FSTL4: variants seen among roughly 807,000 people sequenced by gnomAD.
The protein encoded by FSTL4 is follistatin-related protein 4.
A neutral mutation model predicts 78.2 loss-of-function variants in FSTL4; 28 were observed. That is an observed-to-expected ratio of 0.36 (90% CI 0.27 to 0.49). The LOEUF is 0.49. Ranked by LOEUF, FSTL4 falls within the 20% of genes least tolerant of loss-of-function variation. FSTL4 has a pLI of 0.98. For synonymous variants in FSTL4, 422 were observed against 440.5 expected (o/e 0.96, Z 0.53); for missense variants, 922 against 1,084.9 (o/e 0.85, Z 2.11).
chr5:133,785,380 T>C, the FSTL4 span, among the ~76,000 whole-genome samples: 1 of 152,174 alleles, frequency 6.6e-6, no homozygotes. Context: ...TTTGCCGAGA[T>C]ACCTTTAGCA....
At chr5:133,540,261 A>G (rs546398109) in intron 3 of FSTL4, among the ~76,000 whole-genome samples, 8 of 151,544 alleles carry the variant, frequency 5.3e-5, no homozygotes, top group African/African-American at 1.9e-4. Context: ...ACACACACAC[A>G]CACGCACTCA....
intron 3 of FSTL4, among the ~76,000 whole-genome samples, chr5:133,428,064 T>C (rs1047645834): frequency 6.6e-6 from 1 of 152,188 alleles, no homozygotes; most frequent in African/African-American, 2.4e-5. Context: ...TGAATAACAA[T>C]ACCTCAGGTG....
the FSTL4 span, among the ~76,000 whole-genome samples, chr5:133,769,691 A>G: frequency 6.6e-6 from 1 of 152,220 alleles, no homozygotes; most frequent in African/African-American, 2.4e-5. Context: ...AAAATTACAT[A>G]AACTAATTCT....
Position 133,474,889 on chromosome 5 carries a change from C to T in FSTL4, c.161-73903G>A, listed in dbSNP as rs151209329. The stretch of plus-strand genomic sequence containing the variant: ...TTAATTGATGGCACCCACTTCCTCC[C>T]GGTGCTCCCAACACCCATGGGGGAA... On this transcript the variant is annotated intron_variant, in intron 3 of 15. Transcript: ENST00000265342. 1.3e-3 allele frequency among the ~76,000 whole-genome samples: 204 copies of T among 152,360 alleles called. 2 individuals are homozygous for T. In the East Asian group the frequency reaches 0.031, roughly 23 times the overall value.
At chr5:133,729,567 C>T in the FSTL4 span, among the ~76,000 whole-genome samples, 1 of 152,068 alleles carries the variant, frequency 6.6e-6, no homozygotes, top group Non-Finnish European at 1.5e-5. Context: ...CATCTCTTCT[C>T]AAAAGGAAAC....
At position 133,253,136 on chromosome 5, in the gene FSTL4, T is replaced by A. The variant is rs374405190; in HGVS notation, c.728-3560A>T. Reference sequence around the variant, plus strand: ...TCACAGTTCTGAAGGGATTTATGGCTACTGAGCCCTCTCCTTCCACCCTCA... The same window carrying A: ...TCACAGTTCTGAAGGGATTTATGGCAACTGAGCCCTCTCCTTCCACCCTCA... On this transcript the variant is annotated intron_variant, in intron 6 of 15. Transcript: ENST00000265342. Among the ~76,000 whole-genome samples, 4 of 152,232 alleles carry A rather than the reference T, an allele frequency of 2.6e-5. No individual in the cohort carries two copies. The East Asian group carries it at 7.7e-4, about 29-fold the overall frequency.
chr5:133,310,785 T>C (rs1581609670), intron 6 of FSTL4, among the ~76,000 whole-genome samples: 1 of 152,210 alleles, frequency 6.6e-6, no homozygotes, highest in East Asian at 1.9e-4. Context: ...TTTTTGGGAA[T>C]GTCTTGGAAC....
At chr5:133,820,844 T>C in the FSTL4 span, among the ~76,000 whole-genome samples, 1 of 152,212 alleles carries the variant, frequency 6.6e-6, no homozygotes, top group South Asian at 2.1e-4. Flanking sequence ...TGGGGACTTC[T>C]CAACTTGTTG....
intron 3 of FSTL4, among the ~76,000 whole-genome samples, chr5:133,495,029 A>C (rs1758342263): frequency 6.6e-6 from 1 of 152,210 alleles, no homozygotes; most frequent in Non-Finnish European, 1.5e-5. Context: ...TGTTGAATCA[A>C]CAAAGCGGAT....
the FSTL4 span, among the ~76,000 whole-genome samples, chr5:133,732,795 C>T: frequency 1.3e-5 from 2 of 152,226 alleles, no homozygotes; most frequent in Non-Finnish European, 2.9e-5. Context: ...GGTCCCCGGG[C>T]TCTCCATCCC....
At chr5:133,210,158 G>T in intron 14 of FSTL4, 33 bp downstream of exon 14, 1 of 1,083,218 alleles carries the variant, frequency 9.2e-7, no homozygotes, top group Non-Finnish European at 1.4e-6. Flanking sequence ...TCTCAGTGGA[G>T]TGTGGGTATC....
At chr5:133,222,644 C>T (rs1469859172) in intron 11 of FSTL4, among the ~76,000 whole-genome samples, 5 of 152,196 alleles carry the variant, frequency 3.3e-5, no homozygotes, top group Non-Finnish European at 7.3e-5. Context: ...AGTACCTTGG[C>T]CTTGCTCACA....
the FSTL4 span, among the ~76,000 whole-genome samples, chr5:133,723,759 A>T: frequency 6.6e-6 from 1 of 152,054 alleles, no homozygotes; most frequent in South Asian, 2.1e-4. Flanking sequence ...TCCCTGGGGG[A>T]TAGGTCATCA....
At chr5:133,392,549 G>A (rs1755875602) in intron 4 of FSTL4, among the ~76,000 whole-genome samples, 1 of 152,178 alleles carries the variant, frequency 6.6e-6, no homozygotes, top group African/African-American at 2.4e-5. Context: ...AACAGGACAG[G>A]AGCTAGGTGC....
Position 133,494,785 on chromosome 5 carries a change from T to C in FSTL4, c.160+72401A>G, listed in dbSNP as rs376292544. Among the ~76,000 whole-genome samples, 461 of 152,354 alleles carry C rather than the reference T, an allele frequency of 3.0e-3. 3 individuals are homozygous for C. The highest frequency in any genetic ancestry group is 0.011 in the African/African-American group (447 of 41,576). ...AAGAGGGCCTGTGGCCCGGGTGTGCTGAGGAAACCCCGCTCCTGAGACTCT... is the reference window on the plus strand; with the variant it reads ...AAGAGGGCCTGTGGCCCGGGTGTGCCGAGGAAACCCCGCTCCTGAGACTCT... On this transcript the variant is annotated intron_variant, in intron 3 of 15. Transcript: ENST00000265342.
chr5:133,254,981 T>C (rs1025814283), intron 6 of FSTL4, among the ~76,000 whole-genome samples: 2 of 152,210 alleles, frequency 1.3e-5, no homozygotes, highest in Admixed American at 6.5e-5. Context: ...GAGAGGAAGA[T>C]GAAGATGCCA....
chr5:133,225,389 C>T lies in FSTL4; in HGVS notation c.1178-105G>A. The T allele has an allele frequency of 7.2e-7, 1 of 1,390,618 alleles. No homozygotes were observed. Among genetic ancestry groups the T allele is most frequent in the African/African-American group, 1.4e-5 (1 of 69,790 alleles). The allele number at this position is 1,390,618 out of a possible 1,614,324, so 86.1% of individuals were successfully genotyped here. On this transcript the variant is annotated intron_variant, in intron 9 of 15. Coordinates refer to ENST00000265342, the MANE Select transcript of FSTL4 (RefSeq NM_015082.2). The surrounding 1 kb of genome is among the most constrained non-coding windows in gnomAD (Gnocchi z 4.6). ...TAGGGCTGCCCAGCCCCTGGGCAGC[C>T]AGCAGCCCTGATTATACGCCCAGGA...
At position 133,307,590 on chromosome 5, in the gene FSTL4, C is replaced by T. The variant is rs140429432; in HGVS notation, c.727+5064G>A. Among the ~76,000 whole-genome samples the T allele has an allele frequency of 8.7e-4, 133 of 152,196 alleles. 1 individual carries two copies. Among genetic ancestry groups the T allele is most frequent in the Admixed American group, 6.5e-4 (10 of 15,296 alleles). ...AGTACTAAGAGCCTATTACTAACTA[C>T]GGCGATATTGACAAGCAAAGTCATT... On this transcript the variant is annotated intron_variant, in intron 6 of 15. Transcript: ENST00000265342.
chr5:133,807,992 T>C, the FSTL4 span, among the ~76,000 whole-genome samples: 1 of 152,112 alleles, frequency 6.6e-6, no homozygotes, highest in African/African-American at 2.4e-5. Context: ...TCTGCTTCTG[T>C]CTCTACCCAC....
Sources: allele counts gnomAD v4.1 joint callset (sites outside exome capture counted in the v4.1 genomes callset), GRCh38; gene constraint gnomAD v4.1.1; non-coding constraint Gnocchi (gnomAD v3.1); transcripts MANE v1.5; gene names NCBI Gene and HGNC (gene_info 2026-07-23, HGNC 2026-07-21).